Variants in PALM2AKAP2 observed in about 807,000 individuals in gnomAD.
PALM2AKAP2 encodes PALM2 and AKAP2 fusion.
In PALM2AKAP2, 37 loss-of-function variants were observed where a neutral mutation model predicts 71.5. The observed-to-expected ratio is 0.52, with a 90% confidence interval of 0.40 to 0.68. The LOEUF (loss-of-function observed/expected upper bound fraction) is 0.68. Among genes scored for constraint, PALM2AKAP2 ranks in the 30% least tolerant of loss-of-function variants. The probability of loss-of-function intolerance (pLI) is 0.00; values close to 1 mark genes in which losing one functional copy is unlikely to be tolerated. For synonymous variants in PALM2AKAP2, 468 were observed against 478.8 expected, an observed-to-expected ratio of 0.98 and a Z score of 0.29; for missense variants, 1,224 against 1,191.8, an observed-to-expected ratio of 1.03 and a Z score of -0.40.
intron 1 of PALM2AKAP2, among the ~76,000 whole-genome samples, chr9:110,133,692 A>T (rs539756256): frequency 2.4e-4 from 36 of 151,550 alleles, no homozygotes; most frequent in Non-Finnish European, 4.9e-4. Flanking sequence ...GCCAAAAAGG[A>T]TAGAAGGAGA....
intron 6 of PALM2AKAP2, among the ~76,000 whole-genome samples, chr9:109,967,390 T>G (rs1458066988): frequency 6.6e-6 from 1 of 151,554 alleles, no homozygotes; most frequent in Non-Finnish European, 1.5e-5. Context: ...TATGCAAGGG[T>G]AGCGCAGTGA....
intron 6 of PALM2AKAP2, among the ~76,000 whole-genome samples, chr9:110,011,057 A>C (rs1832878818): frequency 7.0e-6 from 1 of 143,554 alleles, no homozygotes; most frequent in African/African-American, 2.6e-5. Flanking sequence ...ATAAGTATAC[A>C]AAAGTATATT....
chr9:109,760,708 G>C (rs1829037383), intron 1 of PALM2AKAP2: 1 of 152,132 alleles, frequency 6.6e-6, no homozygotes, highest in Non-Finnish European at 1.5e-5. Flanking sequence ...CCAGAAACTA[G>C]CACTGTGTTA....
intron 1 of PALM2AKAP2, among the ~76,000 whole-genome samples, chr9:110,130,517 G>A (rs527311982): frequency 1.4e-4 from 21 of 152,334 alleles, no homozygotes; most frequent in African/African-American, 5.1e-4. Flanking sequence ...TGGCTACCAG[G>A]TTATGTTAAA....
intron 3 of PALM2AKAP2, among the ~76,000 whole-genome samples, chr9:109,895,179 G>A (rs1038166578): frequency 1.3e-5 from 2 of 152,194 alleles, no homozygotes; most frequent in Non-Finnish European, 2.9e-5. Context: ...CCATGACAGG[G>A]AATCACAGAT....
At chr9:110,112,048 A>G (rs566058736) in intron 1 of PALM2AKAP2, among the ~76,000 whole-genome samples, 7 of 152,254 alleles carry the variant, frequency 4.6e-5, no homozygotes, top group East Asian at 3.9e-4. Context: ...TAAGACAAAC[A>G]GTCATTCTTG....
chr9:109,985,912 A>T (rs1018232628), intron 6 of PALM2AKAP2, among the ~76,000 whole-genome samples: 16 of 152,104 alleles, frequency 1.1e-4, no homozygotes, highest in African/African-American at 3.9e-4. Context: ...GGCCTCCCAA[A>T]GTGCTGGGAT....
intron 1 of PALM2AKAP2, among the ~76,000 whole-genome samples, chr9:109,849,301 G>A (rs1828944959): frequency 6.6e-6 from 1 of 152,188 alleles, no homozygotes; most frequent in African/African-American, 2.4e-5. Context: ...TTTTGAAGGA[G>A]GCAGACATCT....
At chr9:110,001,401 GT>G (rs1416420131) in intron 6 of PALM2AKAP2, among the ~76,000 whole-genome samples, 7 of 152,188 alleles carry the variant, frequency 4.6e-5, no homozygotes, top group Admixed American at 4.6e-4. Flanking sequence ...GTACCATGCT[GT>G]TTTGGTTACT....
chr9:109,742,982 G>T (rs1335806218), intron 1 of PALM2AKAP2, among the ~76,000 whole-genome samples: 1 of 152,168 alleles, frequency 6.6e-6, no homozygotes, highest in Non-Finnish European at 1.5e-5. Flanking sequence ...GTGGAGAAAG[G>T]CTTTTATGCC....
intron 6 of PALM2AKAP2, among the ~76,000 whole-genome samples, chr9:109,968,222 C>A (rs78538226): frequency 0.014 from 2,169 of 152,308 alleles, 51 homozygotes; most frequent in African/African-American, 0.05. Flanking sequence ...CAGAGGCCAC[C>A]ATGGCCCTGG....
intron 3 of PALM2AKAP2, among the ~76,000 whole-genome samples, chr9:109,922,296 C>T (rs2131950500): frequency 6.6e-6 from 1 of 151,348 alleles, no homozygotes; most frequent in East Asian, 1.9e-4. Flanking sequence ...GTGGTGTGTG[C>T]CTTTAGTCCC....
chr9:109,861,557 G>A (rs1464312927), intron 1 of PALM2AKAP2, among the ~76,000 whole-genome samples: 2 of 152,110 alleles, frequency 1.3e-5, no homozygotes, highest in African/African-American at 4.8e-5. Flanking sequence ...CCAGATAGTG[G>A]AGGAATCTGG....
chr9:110,019,571 A>G (rs551504694), intron 7 of PALM2AKAP2, among the ~76,000 whole-genome samples: 139 of 152,366 alleles, frequency 9.1e-4, no homozygotes, highest in African/African-American at 3.2e-3. Flanking sequence ...GGTAGACTGG[A>G]TAAAGAAAAT....
At chr9:109,762,065 A>G (rs1461569040) in intron 1 of PALM2AKAP2, among the ~76,000 whole-genome samples, 1 of 152,224 alleles carries the variant, frequency 6.6e-6, no homozygotes, top group Admixed American at 6.5e-5. Flanking sequence ...GTGGAAAAAT[A>G]GGAATGCTTT....
At chr9:109,980,038 C>A (rs1172779764) in intron 6 of PALM2AKAP2, among the ~76,000 whole-genome samples, 1 of 152,070 alleles carries the variant, frequency 6.6e-6, no homozygotes, top group Non-Finnish European at 1.5e-5. Flanking sequence ...GAAAGGCCAC[C>A]CCACACATGC....
At chr9:109,793,675 A>G (rs931915997) in intron 1 of PALM2AKAP2, among the ~76,000 whole-genome samples, 1 of 152,242 alleles carries the variant, frequency 6.6e-6, no homozygotes, top group Admixed American at 6.5e-5. Flanking sequence ...TAGACCAGGG[A>G]CCAGCAAACA....
rs565835467 is a variant in PALM2AKAP2, at chr9:109,881,876, C to CTT, written c.257+1221_257+1222dup. Among the ~76,000 whole-genome samples the CTT allele has an allele frequency of 4.0e-4, 38 of 95,104 alleles. 2 individuals are homozygous for CTT. Among genetic ancestry groups the CTT allele is most frequent in the African/African-American group, 7.5e-4 (21 of 27,878 alleles). The allele number at this position is 95,104 out of a possible 152,430, so 62.4% of individuals were successfully genotyped here. A position where few individuals can be genotyped will look rare whatever the true frequency, so the allele number is the denominator to read the frequency against. On this transcript the variant is annotated intron_variant, in intron 3 of 9. Transcript: ENST00000302798. ...TCTCTGTCTTCTGAGCTTATGAGCT[C>CTT]TTTTTTTTTTTTTTTTTTTTTTTTT...
chr9:109,995,340 A>G lies in PALM2AKAP2; in HGVS notation c.497-20614A>G, dbSNP rs527252365. On this transcript the variant is annotated intron_variant, in intron 6 of 9. Coordinates refer to the PALM2AKAP2 transcript ENST00000302798. ...ACCACCTCCCAGACTGCCTGATGGC[A>G]GGGGGTGGGTCTTTCCATCTTAATC... is the stretch of plus-strand genomic sequence containing the variant. Among the ~76,000 whole-genome samples the G allele has an allele frequency of 5.9e-5, 9 of 152,224 alleles. No homozygotes were observed. The East Asian group carries it at 1.5e-3, about 26-fold the overall frequency.
Sources: gnomAD v4.1 joint callset for allele counts (sites outside exome capture counted in the v4.1 genomes callset) on GRCh38, gnomAD v4.1.1 for gene constraint, MANE v1.5 for transcripts, NCBI Gene and HGNC (gene_info 2026-07-23, HGNC 2026-07-21) for gene names.